EYS: variants seen among roughly 807,000 people sequenced by gnomAD.
EYS encodes the protein EGF-like photoreceptor maintenance factor, also known as protein eyes shut homolog.
Under a neutral mutation model 282.1 loss-of-function variants are expected in EYS, and 250 were observed. That is an observed-to-expected ratio of 0.89 (90% CI 0.80 to 0.98). The LOEUF is 0.98. EYS is among the 50% of genes least tolerant of loss of function. The pLI is 0.00. For missense variants in EYS, 4,016 were observed against 3,709.0 expected, an observed-to-expected ratio of 1.08 and a Z score of -2.15; for synonymous variants, 1,355 against 1,282.9, an observed-to-expected ratio of 1.06 and a Z score of -1.20.
At chr6:65,372,723 C>T (rs1266406298) in intron 8 of EYS, among the ~76,000 whole-genome samples, 1 of 151,828 alleles carries the variant, frequency 6.6e-6, no homozygotes, top group Non-Finnish European at 1.5e-5. Context: ...TTAGATATTC[C>T]TCATCACAAT....
intron 29 of EYS, among the ~76,000 whole-genome samples, chr6:64,329,796 T>G (rs749997594): frequency 2.0e-5 from 3 of 152,186 alleles, no homozygotes; most frequent in African/African-American, 4.8e-5. Flanking sequence ...ACAGGATTTA[T>G]GGGCAGTAAA....
chr6:65,416,659 C>T (rs1441476299), intron 5 of EYS, among the ~76,000 whole-genome samples: 1 of 151,928 alleles, frequency 6.6e-6, no homozygotes, highest in Non-Finnish European at 1.5e-5. Context: ...TTCTTTTGGT[C>T]AGTCCTCTGA....
intron 26 of EYS, among the ~76,000 whole-genome samples, chr6:64,585,332 G>T (rs1428507614): frequency 6.6e-6 from 1 of 152,098 alleles, no homozygotes; most frequent in Non-Finnish European, 1.5e-5. Context: ...TGGGGAGGGA[G>T]CAGGTAGGGG....
intron 2 of EYS, among the ~76,000 whole-genome samples, chr6:65,540,400 G>T (rs1224212533): frequency 6.6e-6 from 1 of 152,124 alleles, no homozygotes; most frequent in Non-Finnish European, 1.5e-5. Context: ...TTTGTTAAAT[G>T]CAAGCAGATA....
At chr6:64,708,233 G>C (rs1209492905) in intron 22 of EYS, among the ~76,000 whole-genome samples, 1 of 152,156 alleles carries the variant, frequency 6.6e-6, no homozygotes, top group Non-Finnish European at 1.5e-5. Context: ...AATTAATCAG[G>C]CATGTGTGCA....
chr6:64,107,124 T>A (rs1419539608), intron 31 of EYS, among the ~76,000 whole-genome samples: 2 of 150,854 alleles, frequency 1.3e-5, no homozygotes, highest in African/African-American at 2.4e-5. Flanking sequence ...CATAGTTTTT[T>A]AAAATTCCTG....
intron 26 of EYS, among the ~76,000 whole-genome samples, chr6:64,457,380 T>C (rs944862908): frequency 5.9e-5 from 9 of 152,006 alleles, no homozygotes; most frequent in African/African-American, 2.4e-5. Flanking sequence ...TTAGGTCCAT[T>C]TGCTCTAGAA....
chr6:64,939,081 T>C (rs994832565), intron 15 of EYS, among the ~76,000 whole-genome samples: 1 of 151,856 alleles, frequency 6.6e-6, no homozygotes, highest in African/African-American at 2.4e-5. Flanking sequence ...ATGCAACATA[T>C]GGAATACATA....
At position 65,405,300 on chromosome 6, in the gene EYS, T is replaced by A. The variant is rs761105309; in HGVS notation, c.930A>T (p.Pro310=). 2 of 1,613,238 alleles carry A rather than the reference T, an allele frequency of 1.2e-6. No homozygotes were observed. The highest frequency in any genetic ancestry group is 1.7e-5 in the Admixed American group (1 of 59,932). ...SLLFWKRGIC[P]NSSSAYTYEC... is the part of the protein sequence containing the mutation. ...CATAAGTATAAGCAGAACTGCTATT[T>A]GGGCAAATTCCTCTTTTCCAAAAAA... Residue 310 remains proline, a synonymous_variant, in exon 6 of 43, where the codon CCA becomes CCT. Coordinates refer to ENST00000503581, the MANE Select transcript of EYS (RefSeq NM_001142800.2).
In EYS at chr6:64,997,614, C is replaced by G. The variant is rs757689268; in HGVS notation, c.2227G>C (p.Glu743Gln). 7.1e-6 allele frequency: 11 copies of G among 1,551,130 alleles called. No homozygotes were observed. In the East Asian group the frequency reaches 2.4e-4, roughly 35 times the overall value. ...AGGTCTTTGCAGGTAGAATTGTGCTCACAGGCATTCAGGATGCAGTCATCA... is the reference window on the plus strand; with the variant it reads ...AGGTCTTTGCAGGTAGAATTGTGCTGACAGGCATTCAGGATGCAGTCATCA... ...DIDDCILNACEHNSTCKDLHL... is the reference protein window; with the variant it reads ...DIDDCILNACQHNSTCKDLHL... Residue 743 changes from glutamate to glutamine, a missense_variant, in exon 14 of 43, where the codon GAG becomes CAG. By Grantham distance (29) the Glu-to-Gln change is conservative. Transcript: ENST00000503581.
intron 2 of EYS, among the ~76,000 whole-genome samples, chr6:65,557,844 C>T (rs1180242582): frequency 1.3e-5 from 2 of 152,140 alleles, no homozygotes; most frequent in African/African-American, 4.8e-5. Context: ...TTTCCACAGA[C>T]AGGTCTTTGT....
In EYS at chr6:64,321,474, C is replaced by T. The variant is rs572999025; in HGVS notation, c.6079-14392G>A. Among the ~76,000 whole-genome samples the T allele has an allele frequency of 6.6e-5, 10 of 151,578 alleles. No individual in the cohort carries two copies. The South Asian group carries it at 8.3e-4, about 13-fold the overall frequency. ...ACTTTTTTAGCCACAAGCTAAAAGTCGAAAGAATGTGAGTGATATTATGGT... is the reference window on the plus strand; with the variant it reads ...ACTTTTTTAGCCACAAGCTAAAAGTTGAAAGAATGTGAGTGATATTATGGT... On this transcript the variant is annotated intron_variant, in intron 29 of 42. Coordinates refer to ENST00000503581, the MANE Select transcript of EYS (RefSeq NM_001142800.2).
intron 12 of EYS, among the ~76,000 whole-genome samples, chr6:65,104,415 T>C (rs949997577): frequency 3.3e-5 from 5 of 151,498 alleles, no homozygotes; most frequent in Non-Finnish European, 5.9e-5. Flanking sequence ...GCAAACCTCA[T>C]AGTATCAAGC....
intron 12 of EYS, among the ~76,000 whole-genome samples, chr6:65,162,599 C>CTATTTTATTT (rs201145451): frequency 6.6e-6 from 1 of 150,782 alleles, no homozygotes; most frequent in African/African-American, 2.4e-5. Flanking sequence ...CACTTTATGG[C>CTATTTTATTT]TATTTTATTT....
At chr6:65,035,719 T>C (rs1772746807) in intron 13 of EYS, among the ~76,000 whole-genome samples, 1 of 151,784 alleles carries the variant, frequency 6.6e-6, no homozygotes, top group Non-Finnish European at 1.5e-5. Flanking sequence ...TGCTCATGAA[T>C]TGGAAGAATC....
chr6:65,578,620 A>C (rs551445477), intron 2 of EYS, among the ~76,000 whole-genome samples: 1 of 152,060 alleles, frequency 6.6e-6, no homozygotes, highest in Non-Finnish European at 1.5e-5. Flanking sequence ...AAAAAATGAT[A>C]AGTGTGTGAG....
At chr6:65,543,004 T>C (rs1476325970) in intron 2 of EYS, among the ~76,000 whole-genome samples, 1 of 152,082 alleles carries the variant, frequency 6.6e-6, no homozygotes, top group Admixed American at 6.6e-5. Flanking sequence ...TGATCACAAT[T>C]CTCTGTTTTA....
At chr6:65,166,407 G>A (rs1289560054) in intron 12 of EYS, among the ~76,000 whole-genome samples, 1 of 151,170 alleles carries the variant, frequency 6.6e-6, no homozygotes, top group Admixed American at 6.6e-5. Flanking sequence ...TGATGGAATT[G>A]TGAATCCAGT....
intron 30 of EYS, among the ~76,000 whole-genome samples, chr6:64,255,954 A>T (rs1172117291): frequency 6.6e-6 from 1 of 152,010 alleles, no homozygotes; most frequent in Non-Finnish European, 1.5e-5. Context: ...GGTCTTCCAA[A>T]TAATTAAAAT....
Sources: allele counts gnomAD v4.1 joint callset (sites outside exome capture counted in the v4.1 genomes callset), GRCh38; gene constraint gnomAD v4.1.1; transcripts MANE v1.5; gene names NCBI Gene and HGNC (gene_info 2026-07-23, HGNC 2026-07-21).